The following CSMD1 variants were observed in gnomAD, a reference collection of about 807,000 sequenced individuals.
The protein encoded by CSMD1 is CUB and Sushi multiple domains 1.
CSMD1 carries 213 observed loss-of-function variants against 417.5 expected under a neutral mutation model. The observed-to-expected ratio is 0.51, with a 90% confidence interval of 0.46 to 0.57. CSMD1 has a LOEUF of 0.57. Ranked by LOEUF, CSMD1 falls within the 20% of genes least tolerant of loss-of-function variation. CSMD1 has a pLI of 0.00. For missense variants in CSMD1, 6,923 were observed against 4,529.7 expected (o/e 1.53, Z -15.17); for synonymous variants, 2,862 against 1,736.8 (o/e 1.65, Z -16.11).
In CSMD1 at chr8:4,585,161, A is replaced by G. The variant is rs143888229; in HGVS notation, c.302+52181T>C. ...AAGTGTAGATATTAAAGTTAGCAGAAGTTGCCTTTAAAATAACTGTGATTA... is the reference window on the plus strand; with the variant it reads ...AAGTGTAGATATTAAAGTTAGCAGAGGTTGCCTTTAAAATAACTGTGATTA... On this transcript the variant is annotated intron_variant, in intron 2 of 69. Coordinates refer to ENST00000635120, the MANE Select transcript of CSMD1 (RefSeq NM_033225.6). Among the ~76,000 whole-genome samples the G allele has an allele frequency of 3.9e-3, 596 of 152,264 alleles. 7 individuals are homozygous for G. The highest frequency in any genetic ancestry group is 0.014 in the African/African-American group (562 of 41,570).
chr8:4,329,105 C>T (rs1451641089), intron 3 of CSMD1, among the ~76,000 whole-genome samples: 2 of 152,108 alleles, frequency 1.3e-5, no homozygotes, highest in Non-Finnish European at 2.9e-5. Flanking sequence ...CCTTGTATTG[C>T]GTCTACAGAC....
At chr8:4,042,370 G>C (rs1377226380) in intron 3 of CSMD1, among the ~76,000 whole-genome samples, 1 of 152,068 alleles carries the variant, frequency 6.6e-6, no homozygotes, top group Non-Finnish European at 1.5e-5. Context: ...ATGAAACCAA[G>C]GAGAGATTCA....
chr8:4,127,674 G>A (rs1384774506), intron 3 of CSMD1, among the ~76,000 whole-genome samples: 5 of 152,028 alleles, frequency 3.3e-5, no homozygotes, highest in Middle Eastern at 3.4e-3. Flanking sequence ...TACTTATAAG[G>A]AAGATATTAA....
chr8:4,466,836 A>C (rs1454223503), intron 2 of CSMD1, among the ~76,000 whole-genome samples: 1 of 152,148 alleles, frequency 6.6e-6, no homozygotes, highest in Non-Finnish European at 1.5e-5. Flanking sequence ...TTCAGAGAGC[A>C]GGGGAAACAT....
intron 3 of CSMD1, among the ~76,000 whole-genome samples, chr8:4,159,136 G>C (rs551152543): frequency 2.0e-5 from 3 of 152,114 alleles, no homozygotes; most frequent in Non-Finnish European, 2.9e-5. Flanking sequence ...GGCTGGTCTT[G>C]AACTCCCAAC....
chr8:3,575,015 G>C lies in CSMD1; in HGVS notation c.1274C>G (p.Pro425Arg), dbSNP rs772620843. ...ATCTTCATACTGAACCGGATAATTA[G>C]GGGAGGTAATGACGCCGCTGGGCCC... The part of the protein sequence containing the change: ...LRGPSGVITS[P>R]NYPVQYEDNA... Residue 425 changes from proline (P) to arginine (R), a missense_variant, in exon 10 of 70, where the codon CCT becomes CGT. By Grantham distance (103) the Pro-to-Arg change is moderately radical. Transcript: ENST00000635120. 2 of 1,613,504 alleles carry C rather than the reference G, an allele frequency of 1.2e-6. No homozygotes were observed. Among genetic ancestry groups the C allele is most frequent in the South Asian group, 2.2e-5 (2 of 91,062 alleles).
chr8:4,320,325 G>A (rs912970152), intron 3 of CSMD1, among the ~76,000 whole-genome samples: 1 of 152,074 alleles, frequency 6.6e-6, no homozygotes, highest in Non-Finnish European at 1.5e-5. Context: ...CAGGCTATTT[G>A]TTTTCCTTCC....
chr8:4,426,206 C>G (rs1189415763), intron 2 of CSMD1, among the ~76,000 whole-genome samples: 1 of 151,746 alleles, frequency 6.6e-6, no homozygotes, highest in East Asian at 1.9e-4. Flanking sequence ...AATTAAGAAG[C>G]CTTTTATCTA....
Position 4,216,288 on chromosome 8 carries a change from G to A in CSMD1, c.416-184189C>T, listed in dbSNP as rs140988740. 5.1e-3 allele frequency among the ~76,000 whole-genome samples: 778 copies of A among 152,106 alleles called. 6 individuals are homozygous for A. Among genetic ancestry groups the A allele is most frequent in the African/African-American group, 0.017 (701 of 41,482 alleles). ...TACGAGACCTGACCTTCTCCCTGTG[G>A]TTGCCTAGTCAATTCTATCTGTCAC... is the stretch of plus-strand genomic sequence containing the variant. On this transcript the variant is annotated intron_variant, in intron 3 of 69. Coordinates refer to ENST00000635120, the MANE Select transcript of CSMD1 (RefSeq NM_033225.6).
intron 3 of CSMD1, among the ~76,000 whole-genome samples, chr8:4,366,358 G>A (rs1339342236): frequency 2.0e-5 from 3 of 151,850 alleles, no homozygotes; most frequent in East Asian, 3.9e-4. Context: ...GATTCCACGT[G>A]TTTACCATTG....
At chr8:3,598,144 A>C (rs1432739943) in intron 8 of CSMD1, among the ~76,000 whole-genome samples, 1 of 152,160 alleles carries the variant, frequency 6.6e-6, no homozygotes, top group African/African-American at 2.4e-5. Context: ...ATTTAACAAA[A>C]CTAAGTAGGA....
chr8:4,583,219 C>T (rs12679893), intron 2 of CSMD1, among the ~76,000 whole-genome samples: 12,799 of 152,260 alleles, frequency 0.084, 712 homozygotes, highest in East Asian at 0.24. Flanking sequence ...TGCGGGCACA[C>T]GGCACAGGGA....
rs1418016975 is a variant in CSMD1, at chr8:3,251,314, A to G, written c.4154-21083T>C. 3.9e-5 allele frequency among the ~76,000 whole-genome samples: 6 copies of G among 152,308 alleles called. No homozygotes were observed. In the East Asian group the frequency reaches 9.6e-4, roughly 24 times the overall value. On this transcript the variant is annotated intron_variant, in intron 26 of 69. Transcript: ENST00000635120. ...CAGTTTTCCCAGCACCATTTATTAA[A>G]TAGGGAATCCTTTCCCCATTGCTTG... is the stretch of plus-strand genomic sequence containing the variant.
intron 12 of CSMD1, among the ~76,000 whole-genome samples, chr8:3,411,413 G>C (rs145650266): frequency 1.2e-3 from 180 of 151,856 alleles, no homozygotes; most frequent in African/African-American, 4.1e-3. Flanking sequence ...TATATGCTGC[G>C]TTCATTTTGT....
intron 1 of CSMD1, among the ~76,000 whole-genome samples, chr8:4,746,309 C>T (rs577319264): frequency 1.3e-5 from 2 of 152,312 alleles, no homozygotes; most frequent in Non-Finnish European, 2.9e-5. Context: ...TGAAAGAATT[C>T]ACTCAGAATA....
chr8:3,402,590 C>T (rs1468945670), intron 15 of CSMD1, among the ~76,000 whole-genome samples: 9 of 152,156 alleles, frequency 5.9e-5, no homozygotes, highest in African/African-American at 1.2e-4. Context: ...AAATAACCTA[C>T]GCTTTTAAAT....
At chr8:4,073,051 T>C (rs143784887) in intron 3 of CSMD1, among the ~76,000 whole-genome samples, 9 of 152,330 alleles carry the variant, frequency 5.9e-5, no homozygotes, top group Admixed American at 3.3e-4. Flanking sequence ...GCGTAGATGA[T>C]AGTCAATATT....
chr8:4,339,856 T>G (rs1441311550), intron 3 of CSMD1, among the ~76,000 whole-genome samples: 1 of 151,996 alleles, frequency 6.6e-6, no homozygotes, highest in East Asian at 1.9e-4. Context: ...AGACCTCATC[T>G]CTACAAAAAC....
intron 3 of CSMD1, among the ~76,000 whole-genome samples, chr8:4,232,224 C>G (rs375627367): frequency 2.0e-5 from 3 of 152,124 alleles, no homozygotes; most frequent in African/African-American, 7.2e-5. Flanking sequence ...AAGACAGAGT[C>G]TCGCTCTGTC....
Sources: allele counts gnomAD v4.1 joint callset (sites outside exome capture counted in the v4.1 genomes callset), GRCh38; gene constraint gnomAD v4.1.1; transcripts MANE v1.5; gene names NCBI Gene and HGNC (gene_info 2026-07-23, HGNC 2026-07-21).